JCAD: variants seen among roughly 807,000 people sequenced by gnomAD.
The protein encoded by JCAD is junctional cadherin 5-associated protein.
In JCAD, 40 loss-of-function variants were observed where a neutral mutation model predicts 98.0. That is an observed-to-expected ratio of 0.41 (90% CI 0.32 to 0.53). The LOEUF (loss-of-function observed/expected upper bound fraction) is 0.53. JCAD is among the 20% of genes least tolerant of loss of function. The pLI is 0.31. For synonymous variants in JCAD, 691 were observed against 682.3 expected (o/e 1.01, Z -0.20); for missense variants, 1,705 against 1,738.1 (o/e 0.98, Z 0.34).
chr10:30,052,240 C>T (rs1837485792), intron 1 of JCAD, among the ~76,000 whole-genome samples: 4 of 152,194 alleles, frequency 2.6e-5, no homozygotes, highest in African/African-American at 9.6e-5. Context: ...CGGTATTTAT[C>T]TGTGAGGTGA....
intron 2 of JCAD, among the ~76,000 whole-genome samples, chr10:30,067,690 T>A (rs191549438): frequency 7.1e-4 from 108 of 152,338 alleles, no homozygotes; most frequent in African/African-American, 2.5e-3. Context: ...TTGACTTATG[T>A]CCTTCGATGT....
intron 3 of JCAD, among the ~76,000 whole-genome samples, chr10:30,025,679 G>A (rs887412783): frequency 6.6e-6 from 1 of 151,844 alleles, no homozygotes; most frequent in African/African-American, 2.4e-5. Flanking sequence ...CCTGAGCTCA[G>A]GAGTTCGAGA....
intron 2 of JCAD, among the ~76,000 whole-genome samples, chr10:30,040,752 G>A (rs2132635082): frequency 6.6e-6 from 1 of 152,306 alleles, no homozygotes; most frequent in Non-Finnish European, 1.5e-5. Flanking sequence ...CGGCCCACCA[G>A]TGACACCCCC....
chr10:30,084,806 T>TATC (rs1382990876), intron 1 of JCAD, among the ~76,000 whole-genome samples: 3 of 152,032 alleles, frequency 2.0e-5, no homozygotes, highest in African/African-American at 7.2e-5. Context: ...TCTATCTATC[T>TATC]ATCTATCTAT....
In JCAD at chr10:30,027,896, T is replaced by G. The variant is rs1054539363; in HGVS notation, c.2252A>C (p.Lys751Thr). Residue 751 changes from lysine (K) to threonine (T), a missense_variant, in exon 3 of 4, where the codon AAA (lysine) becomes ACA (threonine). Physicochemically the swap from Lys to Thr is moderately conservative, Grantham distance 78. Coordinates refer to ENST00000375377, the MANE Select transcript of JCAD (RefSeq NM_020848.4). ...GGATGGGCTGAGGGACCTGTGACCT[T>G]TCAGGTTACGGGCACTTGGCCTCTG... ...HKQRPSARNL[K>T]GHRSLSPSSN... 1 of 1,614,194 alleles carries G rather than the reference T, an allele frequency of 6.2e-7. No individual in the cohort carries two copies. Among genetic ancestry groups the G allele is most frequent in the Non-Finnish European group, 8.5e-7 (1 of 1,180,028 alleles).
At chr10:30,046,292 T>C (rs1307267444) in intron 2 of JCAD, among the ~76,000 whole-genome samples, 1 of 152,142 alleles carries the variant, frequency 6.6e-6, no homozygotes, top group Non-Finnish European at 1.5e-5. Flanking sequence ...CCTGGCTCTG[T>C]GGCAAGCTGC....
intron 2 of JCAD, among the ~76,000 whole-genome samples, chr10:30,039,885 C>G (rs918764281): frequency 2.0e-5 from 3 of 152,210 alleles, no homozygotes; most frequent in Non-Finnish European, 4.4e-5. Flanking sequence ...CAGGGACGGA[C>G]TACGCCTTCC....
chr10:30,067,390 G>A (rs1369174086), intron 2 of JCAD, among the ~76,000 whole-genome samples: 1 of 151,772 alleles, frequency 6.6e-6, no homozygotes, highest in South Asian at 2.1e-4. Context: ...GCAGTGGCAC[G>A]ATCTCGGCTC....
chr10:30,110,660 G>A (rs551099417), intron 1 of JCAD, among the ~76,000 whole-genome samples: 2 of 152,018 alleles, frequency 1.3e-5, no homozygotes, highest in South Asian at 4.2e-4. Flanking sequence ...ACCAGCTGAT[G>A]TATGGGCCAG....
chr10:30,066,323 A>G (rs1299524611), intron 2 of JCAD, among the ~76,000 whole-genome samples: 1 of 152,142 alleles, frequency 6.6e-6, no homozygotes, highest in East Asian at 1.9e-4. Context: ...ACTGCATGAG[A>G]AAAATCATTT....
At position 30,029,245 on chromosome 10, in the gene JCAD, G is replaced by C; in HGVS notation, c.903C>G (p.His301Gln). Residue 301 changes from histidine to glutamine, a missense_variant, in exon 3 of 4, where the codon CAC (histidine) becomes CAG (glutamine). Coordinates refer to ENST00000375377, the MANE Select transcript of JCAD (RefSeq NM_020848.4). ...TGTCCGCTCCTCCCCTAGACTGCTG[G>C]TGCGAGCTGTAAGATGGGGGCTTGA... is the stretch of plus-strand genomic sequence containing the variant. ...RPLKPPSYSS[H>Q]QQSRGGADSS... 1 of 1,614,158 alleles carries C rather than the reference G, an allele frequency of 6.2e-7. No homozygotes were observed. Among genetic ancestry groups the C allele is most frequent in the Middle Eastern group, 1.7e-4 (1 of 6,060 alleles).
At chr10:30,019,548 A>AT (rs1315921823) in intron 3 of JCAD, among the ~76,000 whole-genome samples, 6 of 41,660 alleles carry the variant, frequency 1.4e-4, no homozygotes, top group Admixed American at 9.3e-4. Flanking sequence ...ATGTGGAATC[A>AT]TTTAAAAAAA....
intron 1 of JCAD, among the ~76,000 whole-genome samples, chr10:30,089,148 G>T (rs1838215286): frequency 1.3e-5 from 2 of 152,064 alleles, no homozygotes; most frequent in South Asian, 4.2e-4. Flanking sequence ...CTGTGCTGGG[G>T]GTGGAGGCTG....
At chr10:30,031,601 C>T (rs1365942237) in intron 2 of JCAD, among the ~76,000 whole-genome samples, 1 of 151,258 alleles carries the variant, frequency 6.6e-6, no homozygotes, top group African/African-American at 2.4e-5. Flanking sequence ...GCCACCACAC[C>T]CGGCTAATTT....
chr10:30,093,107 C>G (rs1838312425), intron 1 of JCAD, among the ~76,000 whole-genome samples: 1 of 152,012 alleles, frequency 6.6e-6, no homozygotes, highest in South Asian at 2.1e-4. Context: ...GGAAGGAATT[C>G]AAAATTTGCA....
chr10:30,060,623 A>G (rs1837682365), upstream of JCAD, among the ~76,000 whole-genome samples: 1 of 152,224 alleles, frequency 6.6e-6, no homozygotes, highest in African/African-American at 2.4e-5. Context: ...ATTAGTTTTC[A>G]GAAAACTACT....
rs1259014187 is a variant in JCAD at position 30,059,204 on chromosome 10, G to A, written c.-60+278C>T. 6.6e-6 allele frequency among the ~76,000 whole-genome samples: 1 copy of A among 151,506 alleles called. No individual in the cohort carries two copies. The highest frequency in any genetic ancestry group is 6.6e-5 in the Admixed American group (1 of 15,220). Reference sequence around the variant, plus strand: ...GCGGTGCCCGCCCCGGGACCCCCGCGCTCCGAGCGGGGCACCTGAGGGGAG... The same window carrying A: ...GCGGTGCCCGCCCCGGGACCCCCGCACTCCGAGCGGGGCACCTGAGGGGAG... On this transcript the variant is annotated intron_variant, in intron 1 of 3. Coordinates refer to ENST00000375377, the MANE Select transcript of JCAD (RefSeq NM_020848.4). This position sits in a 1 kb window ranked among gnomAD's most constrained non-coding sequence, Gnocchi z 5.0.
intron 2 of JCAD, among the ~76,000 whole-genome samples, chr10:30,068,390 CAAAAAAAAAAA>C (rs34060997): frequency 4.1e-5 from 2 of 48,196 alleles, no homozygotes; most frequent in Non-Finnish European, 8.1e-5. Context: ...AACTCTGTCT[CAAAAAAAAAAA>C]AAAAAAAAAA....
At chr10:30,046,304 G>A (rs1465645785) in intron 2 of JCAD, among the ~76,000 whole-genome samples, 2 of 152,086 alleles carry the variant, frequency 1.3e-5, no homozygotes, top group South Asian at 2.1e-4. Flanking sequence ...GCAAGCTGCC[G>A]AAATTCTCTC....
Sources: gnomAD v4.1 joint callset for allele counts (sites outside exome capture counted in the v4.1 genomes callset) on GRCh38, gnomAD v4.1.1 for gene constraint, Gnocchi (gnomAD v3.1) non-coding constraint, MANE v1.5 for transcripts, NCBI Gene and HGNC (gene_info 2026-07-23, HGNC 2026-07-21) for gene names.